MGAT4C: variants seen among roughly 807,000 people sequenced by gnomAD.
MGAT4C encodes alpha-1,3-mannosyl-glycoprotein 4-beta-N-acetylglucosaminyltransferase C.
Under a neutral mutation model 40.1 loss-of-function variants are expected in MGAT4C, and 19 were observed. The observed-to-expected ratio is 0.47, with a 90% CI of 0.33 to 0.70. MGAT4C has a LOEUF of 0.70. Among genes scored for constraint, MGAT4C ranks in the 30% least tolerant of loss-of-function variants. The probability of loss-of-function intolerance (pLI) is 0.02; values close to 1 mark genes in which losing one functional copy is unlikely to be tolerated. For synonymous variants in MGAT4C, 181 were observed against 187.1 expected (o/e 0.97, Z 0.27); for missense variants, 491 against 563.2 (o/e 0.87, Z 1.30).
chr12:86,489,093 G>A (rs1565796689), intron 2 of MGAT4C, among the ~76,000 whole-genome samples: 1 of 152,082 alleles, frequency 6.6e-6, no homozygotes. Context: ...CCTGCCCTGT[G>A]CCTATCTTGT....
At chr12:86,046,620 T>G (rs1892420120) in intron 2 of MGAT4C, among the ~76,000 whole-genome samples, 1 of 152,186 alleles carries the variant, frequency 6.6e-6, no homozygotes, top group South Asian at 2.1e-4. Context: ...GGCAAACTGT[T>G]GTAAGCTATT....
Position 86,150,070 on chromosome 12 carries a change from G to T in MGAT4C, c.-56-100347C>A, listed in dbSNP as rs1343058812. On this transcript the variant is annotated intron_variant, in intron 1 of 4. Coordinates refer to ENST00000611864, the MANE Select transcript of MGAT4C (RefSeq NM_001351288.2). ...GTGGATGGGTGGAAGATGGTTTCAG[G>T]ATGAAACTGTTCCACCTCAGATCAT... Among the ~76,000 whole-genome samples, 3 of 152,274 alleles carry T rather than the reference G, an allele frequency of 2.0e-5. No homozygotes were observed. In the East Asian group the frequency reaches 5.8e-4, roughly 29 times the overall value.
chr12:85,956,366 C>A lies in MGAT4C; in HGVS notation c.*22923G>T, dbSNP rs970627540. 2 of 152,158 alleles carry A rather than the reference C, an allele frequency of 1.3e-5. No individual in the cohort carries two copies. Among genetic ancestry groups the A allele is most frequent in the Admixed American group, 1.3e-4 (2 of 15,274 alleles). 9.4% of individuals were successfully genotyped at this position (152,158 alleles called of 1,614,324 possible). ...AAACTAGGTGACTCATTTATGCTAA[C>A]ATGGGAATCTGATTCTCAATAACTT... On this transcript the variant is annotated 3_prime_UTR_variant, in exon 5 of 5. Transcript: ENST00000611864.
At chr12:86,705,472 T>C (rs1950439594) in intron 2 of MGAT4C, among the ~76,000 whole-genome samples, 1 of 151,828 alleles carries the variant, frequency 6.6e-6, no homozygotes, top group African/African-American at 2.4e-5. Flanking sequence ...ATTTACTGGA[T>C]CTCTGAAAAA....
At chr12:86,031,399 T>C (rs1890742897) in intron 2 of MGAT4C, among the ~76,000 whole-genome samples, 1 of 151,906 alleles carries the variant, frequency 6.6e-6, no homozygotes, top group South Asian at 2.1e-4. Context: ...TATAGTGGTA[T>C]TTATTTCAGT....
chr12:86,574,125 T>C (rs576664059), intron 2 of MGAT4C, among the ~76,000 whole-genome samples: 1 of 151,890 alleles, frequency 6.6e-6, no homozygotes, highest in South Asian at 2.1e-4. Context: ...AATGACCCCA[T>C]TTTCTTTCTT....
At chr12:86,829,733 T>C (rs1051968460) in intron 1 of MGAT4C, among the ~76,000 whole-genome samples, 3 of 151,264 alleles carry the variant, frequency 2.0e-5, no homozygotes, top group Non-Finnish European at 3.0e-5. Flanking sequence ...TTGTTACTTA[T>C]ACTGGAGAAA....
intron 2 of MGAT4C, among the ~76,000 whole-genome samples, chr12:86,600,209 C>T (rs1961713822): frequency 6.6e-6 from 1 of 152,246 alleles, no homozygotes; most frequent in South Asian, 2.1e-4. Context: ...ACAGTTATGA[C>T]AGATGCTTTG....
chr12:86,567,459 T>C (rs1191935226), intron 2 of MGAT4C, among the ~76,000 whole-genome samples: 3 of 152,142 alleles, frequency 2.0e-5, no homozygotes, highest in Non-Finnish European at 2.9e-5. Context: ...ATTATCAAGA[T>C]GAAATCAGTC....
chr12:86,278,106 C>T (rs1953121925), intron 4 of MGAT4C, among the ~76,000 whole-genome samples: 1 of 148,884 alleles, frequency 6.7e-6, no homozygotes, highest in Non-Finnish European at 1.5e-5. Context: ...AGATTTTTTT[C>T]ACTTCTTTGG....
chr12:86,394,536 CATATATTTAT>C (rs1293839030), intron 3 of MGAT4C, among the ~76,000 whole-genome samples: 3 of 134,044 alleles, frequency 2.2e-5, no homozygotes, highest in African/African-American at 5.5e-5. Flanking sequence ...ATATTTTATA[CATATATTTAT>C]ATATATTTAT....
chr12:86,058,655 T>A (rs1592808380), intron 1 of MGAT4C, among the ~76,000 whole-genome samples: 1 of 152,238 alleles, frequency 6.6e-6, no homozygotes, highest in Middle Eastern at 3.5e-3. Context: ...ATATATGTCT[T>A]CTAGGTTTGA....
chr12:86,403,645 G>A (rs1020599892), intron 3 of MGAT4C, among the ~76,000 whole-genome samples: 2 of 152,122 alleles, frequency 1.3e-5, no homozygotes, highest in South Asian at 2.1e-4. Context: ...TTTAAGAAGA[G>A]AAGTAATAGC....
chr12:86,103,197 G>A (rs1242211019), intron 1 of MGAT4C, among the ~76,000 whole-genome samples: 1 of 152,116 alleles, frequency 6.6e-6, no homozygotes, highest in Non-Finnish European at 1.5e-5. Flanking sequence ...ATCACAAAAA[G>A]CTGTGTTCCA....
At chr12:86,553,254 A>T (rs1959451906) in intron 2 of MGAT4C, among the ~76,000 whole-genome samples, 1 of 152,098 alleles carries the variant, frequency 6.6e-6, no homozygotes. Flanking sequence ...GGCTTAATGA[A>T]AGTGTGATTC....
At chr12:86,261,023 C>T (rs1278818875), upstream of MGAT4C, among the ~76,000 whole-genome samples, 1 of 151,876 alleles carries the variant, frequency 6.6e-6, no homozygotes, top group Non-Finnish European at 1.5e-5. Context: ...TCATATATAG[C>T]TACTCATAAG....
At chr12:86,710,909 T>C (rs1950545006) in intron 2 of MGAT4C, among the ~76,000 whole-genome samples, 1 of 152,138 alleles carries the variant, frequency 6.6e-6, no homozygotes. Context: ...CTCAAGACCA[T>C]TATTCTAACT....
chr12:86,593,433 C>CT (rs1433568851), intron 2 of MGAT4C, among the ~76,000 whole-genome samples: 1 of 151,904 alleles, frequency 6.6e-6, no homozygotes, highest in South Asian at 2.1e-4. Context: ...TTAATTTGCT[C>CT]TTTTTTTCCA....
chr12:86,439,381 G>A (rs574813166), intron 2 of MGAT4C, among the ~76,000 whole-genome samples: 2 of 152,062 alleles, frequency 1.3e-5, no homozygotes, highest in East Asian at 3.9e-4. Flanking sequence ...ACTATGCTTA[G>A]GTTAACAATA....
Sources: allele counts gnomAD v4.1 joint callset (sites outside exome capture counted in the v4.1 genomes callset), GRCh38; gene constraint gnomAD v4.1.1; transcripts MANE v1.5; gene names NCBI Gene and HGNC (gene_info 2026-07-23, HGNC 2026-07-21).